GRIK4: variants seen among roughly 807,000 people sequenced by gnomAD.
The protein encoded by GRIK4 is glutamate ionotropic receptor kainate type subunit 4, also known as glutamate receptor ionotropic, kainate 4.
Under a neutral mutation model 104.9 loss-of-function variants are expected in GRIK4, and 40 were observed. The observed-to-expected ratio is 0.38, with a 90% confidence interval of 0.30 to 0.50. The LOEUF (loss-of-function observed/expected upper bound fraction) is 0.50. Ranked by LOEUF, GRIK4 falls within the 20% of genes least tolerant of loss-of-function variation. The pLI is 0.93. For synonymous variants in GRIK4, 485 were observed against 524.9 expected, an observed-to-expected ratio of 0.92 and a Z score of 1.04; for missense variants, 1,047 against 1,308.1, an observed-to-expected ratio of 0.80 and a Z score of 3.08.
At position 120,956,982 on chromosome 11, in the gene GRIK4, C is replaced by A. The variant is rs1335937504; in HGVS notation, c.1874+29C>A. 12 of 1,553,616 alleles carry A rather than the reference C, an allele frequency of 7.7e-6. No individual in the cohort carries two copies. Among genetic ancestry groups the A allele is most frequent in the Non-Finnish European group, 1.0e-5 (12 of 1,148,352 alleles). On this transcript the variant is annotated intron_variant, in intron 16 of 20. Transcript: ENST00000527524. This position sits in a 1 kb window ranked among gnomAD's most constrained non-coding sequence, Gnocchi z 4.6. ...AGGCCCCAGGCAGAGGTGAACCAGG[C>A]CAGGTGGGGTGGGGACACAAAAGGG...
chr11:120,558,125 C>A (rs1438394891), intron 1 of GRIK4, among the ~76,000 whole-genome samples: 2 of 151,322 alleles, frequency 1.3e-5, no homozygotes, highest in Non-Finnish European at 2.9e-5. Context: ...AGCTGTGCAA[C>A]TTTGAGCAAG....
chr11:120,748,678 C>G (rs1452945659), intron 3 of GRIK4, among the ~76,000 whole-genome samples: 1 of 152,228 alleles, frequency 6.6e-6, no homozygotes, highest in Non-Finnish European at 1.5e-5. Context: ...ATACCTCACA[C>G]CTAGTGACCA....
At chr11:120,960,246 T>G (rs775999340) in intron 16 of GRIK4, among the ~76,000 whole-genome samples, 6 of 152,200 alleles carry the variant, frequency 3.9e-5, no homozygotes, top group Admixed American at 6.5e-5. Flanking sequence ...GGAGAATCAC[T>G]TGAATCCACG....
chr11:120,816,131 G>A (rs937501713), intron 5 of GRIK4, among the ~76,000 whole-genome samples: 3 of 152,036 alleles, frequency 2.0e-5, no homozygotes, highest in African/African-American at 4.8e-5. Context: ...AAATGGTAGG[G>A]CACAAGTTTC....
chr11:120,876,908 G>A lies in GRIK4; in HGVS notation c.1164+1665G>A, dbSNP rs150169542. On this transcript the variant is annotated intron_variant, in intron 11 of 20. Transcript: ENST00000527524. ...GTGATTCTAATGAAGCCCTACGGCC[G>A]TGGAGGCCCTGTCATGTCTGCCTCC... 1.7e-3 allele frequency among the ~76,000 whole-genome samples: 264 copies of A among 152,340 alleles called. 8 individuals are homozygous for A. In the East Asian group the frequency reaches 0.039, roughly 23 times the overall value.
chr11:120,943,612 T>C (rs930055729), intron 14 of GRIK4, among the ~76,000 whole-genome samples: 1 of 152,184 alleles, frequency 6.6e-6, no homozygotes, highest in African/African-American at 2.4e-5. Context: ...TGGGTGTTCG[T>C]TGTTTTGCAA....
intron 3 of GRIK4, among the ~76,000 whole-genome samples, chr11:120,754,708 C>T (rs886228373): frequency 6.6e-6 from 1 of 152,174 alleles, no homozygotes; most frequent in Non-Finnish European, 1.5e-5. Context: ...TTCCCACCAG[C>T]AATGTATGAG....
At chr11:120,650,756 A>G (rs974730728) in intron 1 of GRIK4, among the ~76,000 whole-genome samples, 1 of 152,202 alleles carries the variant, frequency 6.6e-6, no homozygotes, top group Non-Finnish European at 1.5e-5. Context: ...ATAAAGTATA[A>G]ATGTATAGTG....
Position 120,814,327 on chromosome 11 carries a change from C to T in GRIK4, c.248-1051C>T, listed in dbSNP as rs886400449. 4.6e-5 allele frequency among the ~76,000 whole-genome samples: 7 copies of T among 152,134 alleles called. 1 individual carries two copies. The highest frequency in any genetic ancestry group is 2.6e-4 in the Admixed American group (4 of 15,270). On this transcript the variant is annotated intron_variant, in intron 4 of 20. Coordinates refer to ENST00000527524, the MANE Select transcript of GRIK4 (RefSeq NM_014619.5). ...TCTAAAGGAGCCCAGTGGTGGGGTGCGGTGGCTCATGCCTGTAATCCCAGC... is the reference window on the plus strand; with the variant it reads ...TCTAAAGGAGCCCAGTGGTGGGGTGTGGTGGCTCATGCCTGTAATCCCAGC...
At chr11:120,657,341 A>G (rs889809148) in intron 2 of GRIK4, among the ~76,000 whole-genome samples, 1 of 152,210 alleles carries the variant, frequency 6.6e-6, no homozygotes, top group Non-Finnish European at 1.5e-5. Flanking sequence ...TGTTTGCTTT[A>G]ATCTATCCCT....
intron 3 of GRIK4, among the ~76,000 whole-genome samples, chr11:120,705,232 CTT>C (rs902505786): frequency 6.5e-5 from 9 of 139,050 alleles, no homozygotes; most frequent in Non-Finnish European, 9.5e-5. Context: ...TCTTTCTTTT[CTT>C]TTTTTTTTTT....
At chr11:120,667,908 T>C (rs959394484) in intron 3 of GRIK4, among the ~76,000 whole-genome samples, 5 of 152,196 alleles carry the variant, frequency 3.3e-5, no homozygotes, top group Non-Finnish European at 5.9e-5. Context: ...TCTCTGGAAT[T>C]GAGACTCTAT....
chr11:120,670,938 G>A (rs1950007456), intron 3 of GRIK4, among the ~76,000 whole-genome samples: 1 of 151,694 alleles, frequency 6.6e-6, no homozygotes. Context: ...TCCCACTTAT[G>A]AGTGAGAACA....
chr11:120,809,798 C>G (rs1952791118), intron 4 of GRIK4, among the ~76,000 whole-genome samples: 1 of 152,172 alleles, frequency 6.6e-6, no homozygotes, highest in Non-Finnish European at 1.5e-5. Flanking sequence ...GGCGTGGTGG[C>G]TCATGCCTGT....
At chr11:120,581,726 CAT>C (rs572375880) in intron 1 of GRIK4, among the ~76,000 whole-genome samples, 75 of 152,148 alleles carry the variant, frequency 4.9e-4, no homozygotes, top group African/African-American at 1.3e-3. Flanking sequence ...CATGTTGTAA[CAT>C]GTGTCAGAAT....
intron 1 of GRIK4, among the ~76,000 whole-genome samples, chr11:120,538,555 G>C (rs1281329343): frequency 6.6e-6 from 1 of 152,200 alleles, no homozygotes; most frequent in Non-Finnish European, 1.5e-5. Flanking sequence ...TGCATGTATT[G>C]CATTAGCCAT....
At chr11:120,633,204 T>C (rs1292963664) in intron 1 of GRIK4, among the ~76,000 whole-genome samples, 1 of 152,096 alleles carries the variant, frequency 6.6e-6, no homozygotes, top group South Asian at 2.1e-4. Context: ...TCGTTTAAGA[T>C]GAAGTGCCAA....
chr11:120,909,580 G>A (rs770260345), intron 13 of GRIK4, among the ~76,000 whole-genome samples: 7 of 152,188 alleles, frequency 4.6e-5, no homozygotes, highest in African/African-American at 1.7e-4. Flanking sequence ...TGAGGTGCCA[G>A]GGTATGTATG....
At chr11:120,581,351 G>A (rs564389748) in intron 1 of GRIK4, among the ~76,000 whole-genome samples, 3 of 152,318 alleles carry the variant, frequency 2.0e-5, no homozygotes, top group African/African-American at 7.2e-5. Flanking sequence ...TCAGAAGACA[G>A]CCTCTTGGAG....
Sources: allele counts gnomAD v4.1 joint callset (sites outside exome capture counted in the v4.1 genomes callset), GRCh38; gene constraint gnomAD v4.1.1; non-coding constraint Gnocchi (gnomAD v3.1); transcripts MANE v1.5; gene names NCBI Gene and HGNC (gene_info 2026-07-23, HGNC 2026-07-21).